The following JRK variants were observed in gnomAD, a reference collection of about 807,000 sequenced individuals.
JRK encodes Jrk helix-turn-helix protein, also known as jerky protein homolog.
For synonymous variants in JRK, 303 were observed against 218.1 expected (o/e 1.39, Z -3.43); for missense variants, 720 against 509.2 (o/e 1.41, Z -3.98).
At chr8:142,646,859 C>A in the JRK span, among the ~76,000 whole-genome samples, 1 of 152,132 alleles carries the variant, frequency 6.6e-6, no homozygotes, top group Admixed American at 6.5e-5. Context: ...AGAAGTACAT[C>A]TTGTAGATTC....
Position 142,666,441 on chromosome 8 carries a change from G to A in JRK, c.-383C>T. On this transcript the variant is annotated 5_prime_UTR_variant, in exon 2 of 2. Transcript: ENST00000612905. ...TCCCCTCAAACTGACCAGGTTTGGG[G>A]TGGTAGAGGTTTTACCGCATAAGCA... 2 of 366,176 alleles carry A rather than the reference G, an allele frequency of 5.5e-6. No individual in the cohort carries two copies. Among genetic ancestry groups the A allele is most frequent in the South Asian group, 5.2e-5 (2 of 38,126 alleles). 22.7% of individuals were successfully genotyped at this position (366,176 alleles called of 1,614,324 possible).
the JRK span, among the ~76,000 whole-genome samples, chr8:142,643,781 C>G: frequency 6.6e-6 from 1 of 152,192 alleles, no homozygotes; most frequent in East Asian, 1.9e-4. Flanking sequence ...ACCAGTTTCT[C>G]CAAGTGTGTC....
At position 142,660,194 on chromosome 8, in the gene JRK, C is replaced by G. The variant is rs1406591991; in HGVS notation, c.*4158G>C. 11 of 985,424 alleles carry G rather than the reference C, an allele frequency of 1.1e-5. No homozygotes were observed. The highest frequency in any genetic ancestry group is 1.2e-5 in the Non-Finnish European group (10 of 830,032). 61.0% of individuals were successfully genotyped at this position (985,424 alleles called of 1,614,324 possible). A position where few individuals can be genotyped will look rare whatever the true frequency, so the allele number is the denominator to read the frequency against. ...CTGAGTCCAACGCAGTGCCCGAGAG[C>G]TCAGCCCTTGTCAAGGAGAGTCCTC... On this transcript the variant is annotated 3_prime_UTR_variant, in exon 2 of 2. Transcript: ENST00000612905.
chr8:142,656,358 T>A (rs1554633645), downstream of JRK, among the ~76,000 whole-genome samples: 1 of 152,210 alleles, frequency 6.6e-6, no homozygotes. Context: ...ACAGCCTAGG[T>A]TATGCCCTCA....
rs587693218 is a variant in JRK at position 142,663,913 on chromosome 8, C to T, written c.*439G>A. On this transcript the variant is annotated 3_prime_UTR_variant, in exon 2 of 2. Coordinates refer to ENST00000612905, the MANE Select transcript of JRK (RefSeq NM_003724.4). ...GCCCAGCAGATAGAGCCTTCTGAGA[C>T]GAAGCCTGTCCAGGGGCGGTGGGCA... 8 of 995,402 alleles carry T rather than the reference C, an allele frequency of 8.0e-6. No homozygotes were observed. The highest frequency in any genetic ancestry group is 6.9e-5 in the African/African-American group (4 of 57,796). 61.7% of individuals were successfully genotyped at this position (995,402 alleles called of 1,614,324 possible).
In JRK at chr8:142,662,597, ATCT is replaced by A. The variant is rs1293151200; in HGVS notation, c.*1752_*1754del. On this transcript the variant is annotated 3_prime_UTR_variant, in exon 2 of 2. Coordinates refer to ENST00000612905, the MANE Select transcript of JRK (RefSeq NM_003724.4). ...CTTTAAAAACTATTTGGCTTTTATA[ATCT>A]TCACACATGCATTCAAAGCAAGAAA... The A allele has an allele frequency of 3.8e-5, 37 of 985,310 alleles. No individual in the cohort carries two copies. The highest frequency in any genetic ancestry group is 4.5e-5 in the Non-Finnish European group (37 of 829,950). The allele number at this position is 985,310 out of a possible 1,614,324, so 61.0% of individuals were successfully genotyped here. A position where few individuals can be genotyped will look rare whatever the true frequency, so the allele number is the denominator to read the frequency against.
the JRK span, among the ~76,000 whole-genome samples, chr8:142,651,320 T>C: frequency 6.6e-6 from 1 of 152,136 alleles, no homozygotes; most frequent in East Asian, 1.9e-4. Context: ...TAGGACAAAT[T>C]GCTGCTATTT....
chr8:142,660,680 G>A lies in JRK; in HGVS notation c.*3672C>T. 2.0e-6 allele frequency: 2 copies of A among 984,578 alleles called. No homozygotes were observed. The highest frequency in any genetic ancestry group is 1.2e-6 in the Non-Finnish European group (1 of 829,228). 61.0% of individuals were successfully genotyped at this position (984,578 alleles called of 1,614,324 possible). A position where few individuals can be genotyped will look rare whatever the true frequency, so the allele number is the denominator to read the frequency against. On this transcript the variant is annotated 3_prime_UTR_variant, in exon 2 of 2. Transcript: ENST00000612905. The stretch of plus-strand genomic sequence containing the variant: ...GCCTTCCAGAGTACTGGGATTTCAG[G>A]CAGAAGCCACCACACCCGGATCCCC...
chr8:142,668,743 T>G (rs1319496855), intron 1 of JRK, among the ~76,000 whole-genome samples: 1 of 151,480 alleles, frequency 6.6e-6, no homozygotes, highest in African/African-American at 2.4e-5. Flanking sequence ...AATTTTATTT[T>G]TAAAGGAAGT....
rs1462229302 is a variant in JRK, at chr8:142,658,862, T to G, written c.*5490A>C. 5 of 1,612,970 alleles carry G rather than the reference T, an allele frequency of 3.1e-6. No individual in the cohort carries two copies. The highest frequency in any genetic ancestry group is 4.2e-6 in the Non-Finnish European group (5 of 1,179,558). ...GGCAGAAGTTCTCCAACATTATGTC[T>G]CTGTAGAGGCCTCCAGGCAGCACTT... On this transcript the variant is annotated 3_prime_UTR_variant, in exon 2 of 2. Transcript: ENST00000612905.
At position 142,659,930 on chromosome 8, in the gene JRK, C is replaced by A; in HGVS notation, c.*4422G>T. 1 of 985,594 alleles carries A rather than the reference C, an allele frequency of 1.0e-6. No homozygotes were observed. Among genetic ancestry groups the A allele is most frequent in the Non-Finnish European group, 1.2e-6 (1 of 830,002 alleles). The allele number at this position is 985,594 out of a possible 1,614,324, so 61.1% of individuals were successfully genotyped here. On this transcript the variant is annotated 3_prime_UTR_variant, in exon 2 of 2. Transcript: ENST00000612905. ...CATCATCACTGCCCTGCAAGGGAAA[C>A]AACAGATGTGCAAGGTCTGAGGGTC...
chr8:142,646,252 T>C, the JRK span, among the ~76,000 whole-genome samples: 1 of 152,238 alleles, frequency 6.6e-6, no homozygotes, highest in East Asian at 1.9e-4. Flanking sequence ...ACTGACTCCA[T>C]CTTGCCTTGA....
At chr8:142,656,561 G>A (rs587696572), downstream of JRK, among the ~76,000 whole-genome samples, 2 of 152,314 alleles carry the variant, frequency 1.3e-5, no homozygotes, top group South Asian at 2.1e-4. Flanking sequence ...ACTTTTACCA[G>A]CCAGACTATA....
In JRK at chr8:142,660,209, GGA is replaced by G. The variant is rs1159006825; in HGVS notation, c.*4141_*4142del. The G allele has an allele frequency of 1.0e-6, 1 of 985,534 alleles. No individual in the cohort carries two copies. Among genetic ancestry groups the G allele is most frequent in the Non-Finnish European group, 1.2e-6 (1 of 830,016 alleles). 61.0% of individuals were successfully genotyped at this position (985,534 alleles called of 1,614,324 possible). A position where few individuals can be genotyped will look rare whatever the true frequency, so the allele number is the denominator to read the frequency against. On this transcript the variant is annotated 3_prime_UTR_variant, in exon 2 of 2. Transcript: ENST00000612905. Reference sequence around the variant, plus strand: ...TGCCCGAGAGCTCAGCCCTTGTCAAGGAGAGTCCTCGAACCCAGAGGGGGCTG... The same window carrying G: ...TGCCCGAGAGCTCAGCCCTTGTCAAGGAGTCCTCGAACCCAGAGGGGGCTG...
At position 142,663,455 on chromosome 8, in the gene JRK, A is replaced by G; in HGVS notation, c.*897T>C. 1 of 985,452 alleles carries G rather than the reference A, an allele frequency of 1.0e-6. No homozygotes were observed. The highest frequency in any genetic ancestry group is 1.2e-6 in the Non-Finnish European group (1 of 829,938). The allele number at this position is 985,452 out of a possible 1,614,324, so 61.0% of individuals were successfully genotyped here. A position where few individuals can be genotyped will look rare whatever the true frequency, so the allele number is the denominator to read the frequency against. ...CCTGTTTTACTGTTTTCAGTGACTT[A>G]CGTGCAAACCTAAGACTAATCTCTG... On this transcript the variant is annotated 3_prime_UTR_variant, in exon 2 of 2. Coordinates refer to ENST00000612905, the MANE Select transcript of JRK (RefSeq NM_003724.4).
chr8:142,655,956 A>G (rs1846742828), downstream of JRK, among the ~76,000 whole-genome samples: 1 of 152,180 alleles, frequency 6.6e-6, no homozygotes, highest in South Asian at 2.1e-4. Flanking sequence ...TCTCCATTTG[A>G]GGCAATATTG....
In JRK at chr8:142,665,968, G is replaced by A. The variant is rs781936838; in HGVS notation, c.91C>T (p.Arg31Cys). ...TLKEKIDICTRLEKGESRKAL... is the reference protein window; with the variant it reads ...TLKEKIDICTCLEKGESRKAL... ...TTCCGGCTCTCGCCCTTCTCCAGGC[G>A]CGTGCAGATGTCAATCTTCTCCTTC... is the stretch of plus-strand genomic sequence containing the variant. Residue 31 changes from arginine to cysteine, a missense_variant, in exon 2 of 2, where the codon CGC (arginine) becomes TGC (cysteine). Coordinates refer to ENST00000612905, the MANE Select transcript of JRK (RefSeq NM_003724.4). The A allele has an allele frequency of 8.7e-6, 9 of 1,040,248 alleles. No individual in the cohort carries two copies. Among genetic ancestry groups the A allele is most frequent in the South Asian group, 2.5e-5 (2 of 79,756 alleles). The allele number at this position is 1,040,248 out of a possible 1,614,324, so 64.4% of individuals were successfully genotyped here.
Position 142,658,969 on chromosome 8 carries a change from T to C in JRK, c.*5383A>G. ...CCTGAAACAACAGAACTTTGCTGCTTCATGGAGGAGCGTCAGTATGTCCAC... is the reference window on the plus strand; with the variant it reads ...CCTGAAACAACAGAACTTTGCTGCTCCATGGAGGAGCGTCAGTATGTCCAC... On this transcript the variant is annotated 3_prime_UTR_variant, in exon 2 of 2. Transcript: ENST00000612905. 1 of 1,608,620 alleles carries C rather than the reference T, an allele frequency of 6.2e-7. No individual in the cohort carries two copies. The highest frequency in any genetic ancestry group is 1.1e-5 in the South Asian group (1 of 89,868).
chr8:142,658,872 C>A lies in JRK; in HGVS notation c.*5480G>T. ...CTCCAACATTATGTCTCTGTAGAGG[C>A]CTCCAGGCAGCACTTAGGAATTGCC... On this transcript the variant is annotated 3_prime_UTR_variant, in exon 2 of 2. Transcript: ENST00000612905. 2 of 1,613,410 alleles carry A rather than the reference C, an allele frequency of 1.2e-6. No individual in the cohort carries two copies. The highest frequency in any genetic ancestry group is 2.2e-5 in the South Asian group (2 of 90,878).
Sources: allele counts gnomAD v4.1 joint callset (sites outside exome capture counted in the v4.1 genomes callset), GRCh38; gene constraint gnomAD v4.1.1; transcripts MANE v1.5; gene names NCBI Gene and HGNC (gene_info 2026-07-23, HGNC 2026-07-21).